ZNF277: variants seen among roughly 807,000 people sequenced by gnomAD.
ZNF277 encodes zinc finger protein 277, also known as nuclear receptor-interacting factor 4.
In ZNF277, 55 loss-of-function variants were observed where a neutral mutation model predicts 60.7. That is an observed-to-expected ratio of 0.91 (90% CI 0.73 to 1.13). The LOEUF is 1.13. ZNF277 is among the 50% of genes most tolerant of loss of function. ZNF277 has a pLI of 0.00. For synonymous variants in ZNF277, 178 were observed against 179.3 expected, an observed-to-expected ratio of 0.99 and a Z score of 0.06; for missense variants, 510 against 523.0, an observed-to-expected ratio of 0.98 and a Z score of 0.24.
intron 1 of ZNF277, among the ~76,000 whole-genome samples, chr7:112,238,107 G>A (rs756782416): frequency 1.7e-4 from 26 of 152,190 alleles, no homozygotes; most frequent in Non-Finnish European, 2.8e-4. Context: ...GAAGTTAGGT[G>A]AGCAAATCAC....
chr7:112,303,664 A>G (rs1235326226), intron 4 of ZNF277, among the ~76,000 whole-genome samples: 1 of 152,054 alleles, frequency 6.6e-6, no homozygotes, highest in Non-Finnish European at 1.5e-5. Flanking sequence ...ATAAATAGGA[A>G]TTTAGCTTTT....
At chr7:112,243,820 A>G (rs181142593) in intron 1 of ZNF277, among the ~76,000 whole-genome samples, 1 of 152,118 alleles carries the variant, frequency 6.6e-6, no homozygotes, top group Non-Finnish European at 1.5e-5. Flanking sequence ...CCCAAAGGAA[A>G]AGAAATAATG....
chr7:112,243,752 T>A (rs932594641), intron 1 of ZNF277, among the ~76,000 whole-genome samples: 2 of 152,000 alleles, frequency 1.3e-5, no homozygotes, highest in Admixed American at 1.3e-4. Context: ...TGAACATTTG[T>A]CAAAGAATTA....
intron 1 of ZNF277, among the ~76,000 whole-genome samples, chr7:112,241,231 A>G (rs1269493648): frequency 6.6e-6 from 1 of 152,166 alleles, no homozygotes; most frequent in Non-Finnish European, 1.5e-5. Flanking sequence ...AAGAAGACAA[A>G]CAAATGCTGA....
intron 1 of ZNF277, among the ~76,000 whole-genome samples, chr7:112,276,486 G>A (rs1447195346): frequency 2.6e-5 from 4 of 152,116 alleles, no homozygotes; most frequent in East Asian, 1.9e-4. Flanking sequence ...AAATTTGGAC[G>A]GGGAGCAAAA....
At chr7:112,326,800 G>C (rs1227160317) in intron 5 of ZNF277, among the ~76,000 whole-genome samples, 2 of 152,108 alleles carry the variant, frequency 1.3e-5, no homozygotes, top group Non-Finnish European at 2.9e-5. Flanking sequence ...ATGTCACTAT[G>C]CATAGTCTAT....
At chr7:112,266,623 C>T (rs1011464201) in intron 1 of ZNF277, among the ~76,000 whole-genome samples, 4 of 151,990 alleles carry the variant, frequency 2.6e-5, no homozygotes, top group Non-Finnish European at 5.9e-5. Context: ...ACTGAAAGAC[C>T]TCACCAGCAT....
At chr7:112,245,089 C>G (rs1298167662) in intron 1 of ZNF277, among the ~76,000 whole-genome samples, 1 of 152,114 alleles carries the variant, frequency 6.6e-6, no homozygotes, top group East Asian at 1.9e-4. Flanking sequence ...CTTCTCACAT[C>G]TACTCTTCTT....
chr7:112,289,490 A>G (rs749906823), intron 2 of ZNF277, among the ~76,000 whole-genome samples: 1 of 152,232 alleles, frequency 6.6e-6, no homozygotes, highest in Non-Finnish European at 1.5e-5. Context: ...CTCATAGGAC[A>G]TACTCTCTGC....
chr7:112,322,588 T>C (rs1793008609), intron 5 of ZNF277, among the ~76,000 whole-genome samples: 1 of 152,088 alleles, frequency 6.6e-6, no homozygotes, highest in Middle Eastern at 3.2e-3. Context: ...TTTTTATTGG[T>C]ATTCTGTTTG....
At position 112,340,968 on chromosome 7, in the gene ZNF277, A is replaced by G; in HGVS notation, c.1106A>G (p.Lys369Arg). The G allele has an allele frequency of 1.2e-6, 2 of 1,612,430 alleles. No homozygotes were observed. The highest frequency in any genetic ancestry group is 1.3e-5 in the African/African-American group (1 of 75,012). Residue 369 changes from lysine (K) to arginine (R), a missense_variant, in exon 11 of 12, where the codon AAA becomes AGA. Transcript: ENST00000361822. ...CYGCHVKFKSKADLRTHMEET... is the reference protein window; with the variant it reads ...CYGCHVKFKSRADLRTHMEET... ...GGCTGCCATGTGAAGTTCAAATCCA[A>G]AGCAGACTTAAGAACTCACATGGAA...
chr7:112,239,564 A>G (rs1345217431), intron 1 of ZNF277, among the ~76,000 whole-genome samples: 1 of 152,202 alleles, frequency 6.6e-6, no homozygotes, highest in East Asian at 1.9e-4. Flanking sequence ...AGGAAAGGTA[A>G]GGAAAGAGAA....
intron 4 of ZNF277, among the ~76,000 whole-genome samples, chr7:112,298,527 A>C (rs893964775): frequency 3.3e-5 from 5 of 152,222 alleles, no homozygotes; most frequent in Admixed American, 1.3e-4. Context: ...GAAATCCTTC[A>C]GTGCCAGAAA....
chr7:112,334,973 A>G (rs547970187), intron 7 of ZNF277, among the ~76,000 whole-genome samples: 3 of 152,168 alleles, frequency 2.0e-5, no homozygotes, highest in Admixed American at 1.3e-4. Flanking sequence ...CTCTAATGAC[A>G]TTATGATAGA....
At chr7:112,267,094 G>C (rs1023285930) in intron 1 of ZNF277, among the ~76,000 whole-genome samples, 2 of 152,116 alleles carry the variant, frequency 1.3e-5, no homozygotes, top group East Asian at 3.9e-4. Context: ...ACCTAATTGT[G>C]AATCACTGGT....
intron 4 of ZNF277, among the ~76,000 whole-genome samples, chr7:112,317,315 A>T (rs898326660): frequency 2.0e-5 from 3 of 152,150 alleles, no homozygotes; most frequent in South Asian, 2.1e-4. Context: ...ATAAAAAATT[A>T]AAAAAGAGAA....
intron 1 of ZNF277, among the ~76,000 whole-genome samples, chr7:112,224,144 G>T (rs1353974108): frequency 2.6e-5 from 4 of 152,146 alleles, no homozygotes; most frequent in African/African-American, 4.8e-5. Flanking sequence ...ACTAGAGCTG[G>T]ACAGTAAACT....
At chr7:112,340,810 A>G in intron 10 of ZNF277, 62 bp from the exon 11 acceptor site, 1 of 1,478,938 alleles carries the variant, frequency 6.8e-7, no homozygotes, top group South Asian at 1.3e-5. Context: ...TTAAGAAATT[A>G]TAATAGTGCA....
intron 2 of ZNF277, chr7:112,287,341 C>A: frequency 2.6e-6 from 1 of 380,326 alleles, no homozygotes; most frequent in Admixed American, 4.1e-5. Context: ...TACCATTGCA[C>A]TCCAGCCTGG....
Sources: gnomAD v4.1 joint callset for allele counts (sites outside exome capture counted in the v4.1 genomes callset) on GRCh38, gnomAD v4.1.1 for gene constraint, MANE v1.5 for transcripts, NCBI Gene and HGNC (gene_info 2026-07-23, HGNC 2026-07-21) for gene names.